The following CSMD1 variants were observed in gnomAD, a reference collection of about 807,000 sequenced individuals.
CSMD1 encodes the protein CUB and Sushi multiple domains 1, also known as CUB and sushi domain-containing protein 1.
In CSMD1, 213 loss-of-function variants were observed where a neutral mutation model predicts 417.5. The observed-to-expected ratio is 0.51, with a 90% CI of 0.46 to 0.57. CSMD1 has a LOEUF of 0.57. Among genes scored for constraint, CSMD1 ranks in the 20% least tolerant of loss-of-function variants. The pLI is 0.00. For missense variants in CSMD1, 6,923 were observed against 4,529.7 expected (o/e 1.53, Z -15.17); for synonymous variants, 2,862 against 1,736.8 (o/e 1.65, Z -16.11).
intron 10 of CSMD1, among the ~76,000 whole-genome samples, chr8:3,498,247 GT>G (rs1326132004): frequency 6.6e-6 from 1 of 152,074 alleles, no homozygotes; most frequent in Non-Finnish European, 1.5e-5. Context: ...TGTCTTTGAA[GT>G]TTTTTATTAT....
chr8:3,704,419 T>C (rs1291658568), intron 7 of CSMD1, among the ~76,000 whole-genome samples: 1 of 152,130 alleles, frequency 6.6e-6, no homozygotes, highest in South Asian at 2.1e-4. Context: ...TCCACAGTTA[T>C]ACAAACAAGA....
chr8:2,939,771 C>T (rs1216416145), intron 69 of CSMD1, among the ~76,000 whole-genome samples: 1 of 152,190 alleles, frequency 6.6e-6, no homozygotes, highest in Admixed American at 6.5e-5. Context: ...TTTGTGACTG[C>T]CCTTGGAGTG....
intron 3 of CSMD1, among the ~76,000 whole-genome samples, chr8:4,187,093 C>A (rs762175926): frequency 2.0e-5 from 3 of 152,064 alleles, no homozygotes; most frequent in Non-Finnish European, 4.4e-5. Context: ...CTCTAAGGTC[C>A]CTTAAAATTC....
At chr8:3,154,009 C>G (rs962586430) in intron 39 of CSMD1, among the ~76,000 whole-genome samples, 1 of 152,204 alleles carries the variant, frequency 6.6e-6, no homozygotes, top group African/African-American at 2.4e-5. Flanking sequence ...CCCTGTCACC[C>G]AGGCTGGACT....
rs1817919444 is a variant in CSMD1 at position 3,484,574 on chromosome 8, A to T, written c.1448+9049T>A. On this transcript the variant is annotated intron_variant, in intron 11 of 69. Transcript: ENST00000635120. ...AGCAAAAGCACTGGCCTTTATGGGA[A>T]AGCCCATAAACTAGACTTCATCAAA... 3.9e-5 allele frequency among the ~76,000 whole-genome samples: 6 copies of T among 152,314 alleles called. No individual in the cohort carries two copies. In the South Asian group the frequency reaches 1.2e-3, roughly 32 times the overall value.
chr8:3,257,358 A>C (rs770436141), intron 26 of CSMD1, among the ~76,000 whole-genome samples: 4 of 152,254 alleles, frequency 2.6e-5, no homozygotes, highest in South Asian at 2.1e-4. Context: ...TGCCTACTGC[A>C]TGTCAGTTCT....
chr8:3,333,368 A>G (rs1041859318), intron 23 of CSMD1, among the ~76,000 whole-genome samples: 6 of 123,814 alleles, frequency 4.8e-5, no homozygotes, highest in African/African-American at 1.7e-4. Context: ...ACTGCCTATT[A>G]TTTGAAAACA....
chr8:4,074,967 G>A (rs543392620), intron 3 of CSMD1, among the ~76,000 whole-genome samples: 1 of 152,202 alleles, frequency 6.6e-6, no homozygotes, highest in South Asian at 2.1e-4. Context: ...GTTTGAGTCT[G>A]CCTTCCCTAA....
At chr8:4,092,654 C>T (rs141656297) in intron 3 of CSMD1, among the ~76,000 whole-genome samples, 150 of 152,184 alleles carry the variant, frequency 9.9e-4, no homozygotes, top group Middle Eastern at 3.4e-3. Flanking sequence ...AAATCATTTC[C>T]AAACAGAATT....
chr8:4,454,024 G>A (rs935727795), intron 2 of CSMD1, among the ~76,000 whole-genome samples: 1 of 151,554 alleles, frequency 6.6e-6, no homozygotes, highest in Non-Finnish European at 1.5e-5. Context: ...GGGTTTCACC[G>A]TGTTAGCCGG....
At chr8:4,324,309 A>C (rs1428375633) in intron 3 of CSMD1, among the ~76,000 whole-genome samples, 1 of 152,228 alleles carries the variant, frequency 6.6e-6, no homozygotes, top group Non-Finnish European at 1.5e-5. Flanking sequence ...TTAACTAAAC[A>C]GCAACCTCGA....
chr8:4,431,383 C>T (rs752534058), intron 2 of CSMD1, among the ~76,000 whole-genome samples: 8 of 152,226 alleles, frequency 5.3e-5, no homozygotes, highest in African/African-American at 1.9e-4. Context: ...ATTCATTGCA[C>T]TTAGAACCAT....
Position 3,991,166 on chromosome 8 carries a change from G to A in CSMD1, c.818+6737C>T, listed in dbSNP as rs531299832. ...CCACAGTAGACATTGTGGAGAGGGTGCCTAATCCACCCAGGTGAAAACAAA... is the reference window on the plus strand; with the variant it reads ...CCACAGTAGACATTGTGGAGAGGGTACCTAATCCACCCAGGTGAAAACAAA... On this transcript the variant is annotated intron_variant, in intron 5 of 69. Transcript: ENST00000635120. Among the ~76,000 whole-genome samples the A allele has an allele frequency of 3.3e-4, 50 of 152,310 alleles. No individual in the cohort carries two copies. The South Asian group carries it at 0.01, about 31-fold the overall frequency.
At chr8:4,709,191 C>T (rs765360452) in intron 1 of CSMD1, among the ~76,000 whole-genome samples, 8 of 152,206 alleles carry the variant, frequency 5.3e-5, no homozygotes, top group Non-Finnish European at 7.4e-5. Context: ...AGCTCACAAT[C>T]GAGAGAGAGG....
intron 3 of CSMD1, among the ~76,000 whole-genome samples, chr8:4,250,901 A>T (rs1479112488): frequency 6.6e-6 from 1 of 152,060 alleles, no homozygotes. Context: ...AGCACCTCTT[A>T]AACAATAAGG....
At chr8:3,909,233 G>A (rs966243288) in intron 5 of CSMD1, among the ~76,000 whole-genome samples, 10 of 152,154 alleles carry the variant, frequency 6.6e-5, no homozygotes, top group African/African-American at 2.2e-4. Context: ...ACCTCGTCCT[G>A]GCTTGGAGGA....
At chr8:3,044,539 C>A (rs756761506) in intron 50 of CSMD1, among the ~76,000 whole-genome samples, 1 of 152,096 alleles carries the variant, frequency 6.6e-6, no homozygotes, top group Non-Finnish European at 1.5e-5. Flanking sequence ...TAAACCCAGT[C>A]CGTTAATACC....
intron 25 of CSMD1, among the ~76,000 whole-genome samples, chr8:3,289,129 A>T (rs560211918): frequency 1.4e-5 from 2 of 147,528 alleles, no homozygotes; most frequent in Admixed American, 1.3e-4. Context: ...TTCCAGCTTC[A>T]TCCATGTCCC....
At chr8:4,454,094 T>C (rs1799325742) in intron 2 of CSMD1, among the ~76,000 whole-genome samples, 1 of 152,090 alleles carries the variant, frequency 6.6e-6, no homozygotes, top group Non-Finnish European at 1.5e-5. Flanking sequence ...AGTGCTGGGA[T>C]TACAGGCGTG....
Sources: gnomAD v4.1 joint callset for allele counts (sites outside exome capture counted in the v4.1 genomes callset) on GRCh38, gnomAD v4.1.1 for gene constraint, MANE v1.5 for transcripts, NCBI Gene and HGNC (gene_info 2026-07-23, HGNC 2026-07-21) for gene names.